MICAL2: variants seen among roughly 807,000 people sequenced by gnomAD.
MICAL2 encodes [F-actin]-monooxygenase MICAL2.
MICAL2 carries 77 observed loss-of-function variants against 127.3 expected under a neutral mutation model. The observed-to-expected ratio is 0.60, with a 90% confidence interval of 0.50 to 0.73. The LOEUF (loss-of-function observed/expected upper bound fraction) is 0.73, where lower values mean the gene tolerates loss of function less well. Ranked by LOEUF, MICAL2 falls within the 30% of genes least tolerant of loss-of-function variation. The probability of loss-of-function intolerance (pLI) is 0.00; values close to 1 mark genes in which losing one functional copy is unlikely to be tolerated. For synonymous variants in MICAL2, 570 were observed against 551.1 expected (o/e 1.03, Z -0.48); for missense variants, 1,351 against 1,434.4 (o/e 0.94, Z 0.94).
intron 21 of MICAL2, among the ~76,000 whole-genome samples, chr11:12,248,522 C>T (rs1305978586): frequency 1.3e-5 from 2 of 152,172 alleles, no homozygotes; most frequent in African/African-American, 2.4e-5. Context: ...AGGCACTGAG[C>T]GTTTGCACAG....
intron 26 of MICAL2, chr11:12,260,390 T>C: frequency 7.9e-7 from 1 of 1,268,436 alleles, no homozygotes; most frequent in Non-Finnish European, 9.9e-7. Flanking sequence ...ATCTTTTCTA[T>C]AGCTTTGTGA....
chr11:12,141,783 C>G (rs1852375738), intron 2 of MICAL2, among the ~76,000 whole-genome samples: 1 of 152,148 alleles, frequency 6.6e-6, no homozygotes, highest in Non-Finnish European at 1.5e-5. Flanking sequence ...CCCTTGTGAT[C>G]AGGGGTGACC....
At chr11:12,161,172 A>G (rs1854739957) in intron 2 of MICAL2, among the ~76,000 whole-genome samples, 1 of 152,216 alleles carries the variant, frequency 6.6e-6, no homozygotes, top group African/African-American at 2.4e-5. Context: ...AGTGCTTTGG[A>G]AAATCAGCTC....
At chr11:12,204,516 T>G (rs1313437144) in intron 4 of MICAL2, 59 bp downstream of exon 4, 1 of 1,545,116 alleles carries the variant, frequency 6.5e-7, no homozygotes, top group East Asian at 2.2e-5. Context: ...GGGTGGGACA[T>G]ATCTCTCCAG....
At chr11:12,160,040 CCAGGCCTGAG>C (rs1421683533) in intron 2 of MICAL2, among the ~76,000 whole-genome samples, 1 of 152,160 alleles carries the variant, frequency 6.6e-6, no homozygotes, top group East Asian at 1.9e-4. Flanking sequence ...GGGAAGCTGG[CCAGGCCTGAG>C]CAGGGAATGA....
chr11:12,343,410 A>G (rs78596957), intron 32 of MICAL2, among the ~76,000 whole-genome samples: 1 of 151,082 alleles, frequency 6.6e-6, no homozygotes, highest in Non-Finnish European at 1.5e-5. Flanking sequence ...TCTCATTAAA[A>G]AAAAAAAAAA....
At position 12,244,045 on chromosome 11, in the gene MICAL2, T is replaced by A; in HGVS notation, c.2717T>A (p.Leu906His). ...CATCCTCCATCTCCTCCCTCTCGCC[T>A]TCCGTCTCCTGATCCAGCTGCTTCT... is the stretch of plus-strand genomic sequence containing the variant. ...HTHPPSPPSR[L>H]PSPDPAASSS... Residue 906 changes from leucine to histidine, a missense_variant, in exon 21 of 28, where the codon CTT (leucine) becomes CAT (histidine). By Grantham distance (99) the Leu-to-His change is moderately conservative. This residue lies in a region of MICAL2 where 752 missense variants were observed against 719.4 expected (regional missense o/e 1.05). Coordinates refer to ENST00000683283, the MANE Select transcript of MICAL2 (RefSeq NM_001282663.2). 1 of 1,614,116 alleles carries A rather than the reference T, an allele frequency of 6.2e-7. No individual in the cohort carries two copies. Among genetic ancestry groups the A allele is most frequent in the Middle Eastern group, 1.6e-4 (1 of 6,062 alleles).
At chr11:12,250,988 G>A (rs1035664007) in intron 22 of MICAL2, among the ~76,000 whole-genome samples, 4 of 152,248 alleles carry the variant, frequency 2.6e-5, no homozygotes, top group South Asian at 4.1e-4. Context: ...TCTCAGGATC[G>A]TGAGAACCTG....
intron 32 of MICAL2, among the ~76,000 whole-genome samples, chr11:12,329,862 G>GAAAAAAAAAAA (rs59395634): frequency 3.3e-5 from 4 of 121,974 alleles, no homozygotes; most frequent in African/African-American, 6.7e-5. Context: ...CCCCAAATAT[G>GAAAAAAAAAAA]AAAAAAAAAA....
chr11:12,129,071 T>C (rs1851186812), intron 1 of MICAL2, among the ~76,000 whole-genome samples: 1 of 152,216 alleles, frequency 6.6e-6, no homozygotes, highest in Non-Finnish European at 1.5e-5. Context: ...ACATTCTGTT[T>C]TGCCTTATTA....
chr11:12,302,300 G>A (rs1298132172), intron 29 of MICAL2, among the ~76,000 whole-genome samples: 2 of 152,184 alleles, frequency 1.3e-5, no homozygotes, highest in Admixed American at 6.5e-5. Context: ...CTAGGTCATA[G>A]GGTAGGTATG....
In MICAL2 at chr11:12,236,471, T is replaced by C. The variant is rs373324118; in HGVS notation, c.2064+226T>C. Among the ~76,000 whole-genome samples, 31 of 152,310 alleles carry C rather than the reference T, an allele frequency of 2.0e-4. No homozygotes were observed. The South Asian group carries it at 6.0e-3, about 30-fold the overall frequency. ...ACAACCTCCCAGGATGTGGTTCATG[T>C]CTGTAACGTGCAATGATACACTTGA... is the stretch of plus-strand genomic sequence containing the variant. On this transcript the variant is annotated intron_variant, in intron 16 of 27. Transcript: ENST00000683283.
chr11:12,149,128 C>G, intron 2 of MICAL2, among the ~76,000 whole-genome samples: 1 of 152,070 alleles, frequency 6.6e-6, no homozygotes, highest in Non-Finnish European at 1.5e-5. Flanking sequence ...TAAACAGAGT[C>G]CAGATAGGCA....
chr11:12,345,602 G>A (rs1366302250), intron 32 of MICAL2, among the ~76,000 whole-genome samples: 4 of 152,188 alleles, frequency 2.6e-5, no homozygotes, highest in African/African-American at 9.7e-5. Context: ...AATAAGTAAG[G>A]TGATATTTAA....
intron 6 of MICAL2, among the ~76,000 whole-genome samples, chr11:12,211,511 T>C (rs1855463821): frequency 6.6e-6 from 1 of 152,174 alleles, no homozygotes; most frequent in Non-Finnish European, 1.5e-5. Context: ...CAAAGGTGGC[T>C]AAGGAAAGGT....
At chr11:12,155,052 T>A (rs1052001853) in intron 2 of MICAL2, among the ~76,000 whole-genome samples, 3 of 152,168 alleles carry the variant, frequency 2.0e-5, no homozygotes, top group Non-Finnish European at 2.9e-5. Context: ...AAAGGCCTGG[T>A]ACACTGTGAG....
At chr11:12,285,670 G>A (rs747345931) in intron 2 of MICAL2, among the ~76,000 whole-genome samples, 8 of 152,206 alleles carry the variant, frequency 5.3e-5, no homozygotes, top group African/African-American at 9.7e-5. Flanking sequence ...TGAAGGAGCT[G>A]GTCTTGAGGA....
At chr11:12,277,552 G>A (rs1290814176) in intron 1 of MICAL2, among the ~76,000 whole-genome samples, 2 of 152,204 alleles carry the variant, frequency 1.3e-5, no homozygotes, top group Non-Finnish European at 2.9e-5. Context: ...GGGAATGCAG[G>A]AAGTGACAAC....
chr11:12,311,082 T>G (rs1864168273), intron 29 of MICAL2, among the ~76,000 whole-genome samples: 1 of 152,216 alleles, frequency 6.6e-6, no homozygotes, highest in Non-Finnish European at 1.5e-5. Flanking sequence ...AGGGTTTTTG[T>G]GTGGAGTCTT....
Sources: gnomAD v4.1 joint callset for allele counts (sites outside exome capture counted in the v4.1 genomes callset) on GRCh38, gnomAD v4.1.1 for gene constraint, gnomAD v4.1.1 regional missense constraint, MANE v1.5 for transcripts, NCBI Gene and HGNC (gene_info 2026-07-23, HGNC 2026-07-21) for gene names.